ATAD1: variants seen among roughly 807,000 people sequenced by gnomAD.
ATAD1 encodes outer mitochondrial transmembrane helix translocase.
ATAD1 carries 18 observed loss-of-function variants against 42.7 expected under a neutral mutation model. That is an observed-to-expected ratio of 0.42 (90% CI 0.29 to 0.63). The LOEUF is 0.63. ATAD1 is among the 20% of genes least tolerant of loss of function. The pLI, the probability that ATAD1 is intolerant of heterozygous loss-of-function variation, is 0.19. For missense variants in ATAD1, 294 were observed against 440.4 expected (o/e 0.67, Z 2.98); for synonymous variants, 132 against 143.1 (o/e 0.92, Z 0.55).
chr10:87,775,000 A>G (rs1855225545), intron 6 of ATAD1, among the ~76,000 whole-genome samples: 1 of 152,182 alleles, frequency 6.6e-6, no homozygotes, highest in Admixed American at 6.5e-5. Context: ...TCCTACATAT[A>G]TCCAACTTGC....
At chr10:87,791,277 C>G (rs145947830) in intron 3 of ATAD1, among the ~76,000 whole-genome samples, 2 of 151,092 alleles carry the variant, frequency 1.3e-5, no homozygotes, top group South Asian at 4.2e-4. Context: ...ACAGGGCATA[C>G]GTATTTTCAA....
rs1239973236 is a variant in ATAD1, at chr10:87,790,430, C to G, written c.262G>C (p.Val88Leu). ...AHLVDPLNMH[V>L]TWSDIAGLDD... is the part of the protein sequence containing the mutation. ...AAACCTGCTATATCACTCCAAGTAA[C>G]CTGGCAAAAGTTAAGGTCAACATGA... is the stretch of plus-strand genomic sequence containing the variant. Residue 88 changes from valine to leucine, a missense_variant and splice_region_variant, in exon 4 of 10, where the codon GTT becomes CTT. Physicochemically the swap from Val to Leu is conservative, Grantham distance 32 (BLOSUM62 1). Around this residue, in one of 3 missense-constraint regions of ATAD1, gnomAD observed 121 missense variants for 187.3 expected, o/e 0.65. Transcript: ENST00000680024. 1 of 1,598,968 alleles carries G rather than the reference C, an allele frequency of 6.3e-7. No individual in the cohort carries two copies. The highest frequency in any genetic ancestry group is 8.5e-7 in the Non-Finnish European group (1 of 1,176,558).
chr10:87,838,940 G>T (rs1857979446), intron 1 of ATAD1, among the ~76,000 whole-genome samples: 1 of 152,156 alleles, frequency 6.6e-6, no homozygotes, highest in Non-Finnish European at 1.5e-5. Context: ...ACCTTGAGCA[G>T]ACAAATACAA....
chr10:87,795,134 A>T (rs942011416), intron 2 of ATAD1, among the ~76,000 whole-genome samples: 1 of 152,198 alleles, frequency 6.6e-6, no homozygotes, highest in Non-Finnish European at 1.5e-5. Flanking sequence ...TTATACAGCT[A>T]GGAAGTGACA....
intron 5 of ATAD1, among the ~76,000 whole-genome samples, chr10:87,783,141 G>A (rs571926520): frequency 3.3e-5 from 5 of 152,244 alleles, no homozygotes; most frequent in Non-Finnish European, 5.9e-5. Context: ...TGCTTTGGGA[G>A]GCCAAGGCAG....
At chr10:87,813,931 G>A (rs1211889436) in intron 2 of ATAD1, among the ~76,000 whole-genome samples, 2 of 151,910 alleles carry the variant, frequency 1.3e-5, no homozygotes, top group Admixed American at 6.6e-5. Flanking sequence ...ACCTTTAAAA[G>A]GAAATGAACA....
At chr10:87,760,746 T>C (rs1380689105) in intron 8 of ATAD1, among the ~76,000 whole-genome samples, 4 of 152,114 alleles carry the variant, frequency 2.6e-5, no homozygotes, top group African/African-American at 9.7e-5. Context: ...TAGGAGACTG[T>C]CAGTTCTGTC....
chr10:87,776,522 G>T, intron 5 of ATAD1, 95 bp from the exon 6 acceptor site: 2 of 914,460 alleles, frequency 2.2e-6, no homozygotes, highest in Non-Finnish European at 3.4e-6. Flanking sequence ...AGGCTGGGGT[G>T]CAATGGCGCA....
At chr10:87,773,260 C>G (rs538084097) in intron 6 of ATAD1, among the ~76,000 whole-genome samples, 23 of 152,292 alleles carry the variant, frequency 1.5e-4, no homozygotes, top group African/African-American at 5.1e-4. Flanking sequence ...TTAACTTCAT[C>G]AATGAATACC....
At chr10:87,764,832 G>GT (rs1161000891) in intron 8 of ATAD1, among the ~76,000 whole-genome samples, 1 of 152,150 alleles carries the variant, frequency 6.6e-6, no homozygotes, top group African/African-American at 2.4e-5. Context: ...GGTTGGGTGT[G>GT]TGGGGGGGAA....
intron 5 of ATAD1, among the ~76,000 whole-genome samples, chr10:87,782,729 G>A (rs1855626098): frequency 6.6e-6 from 1 of 152,196 alleles, no homozygotes; most frequent in Non-Finnish European, 1.5e-5. Flanking sequence ...AAGTAAATCA[G>A]CTAGGCGTTA....
intron 1 of ATAD1, 36 bp downstream of exon 1, chr10:87,818,131 C>G: frequency 3.0e-6 from 3 of 985,584 alleles, no homozygotes; most frequent in Non-Finnish European, 3.6e-6. Context: ...GATACGACAA[C>G]CATCCCATGA....
rs142616525 is a variant in ATAD1 at position 87,799,654 on chromosome 10, T to C, written c.163-6899A>G. On this transcript the variant is annotated intron_variant, in intron 2 of 9. Coordinates refer to ENST00000680024, the MANE Select transcript of ATAD1 (RefSeq NM_001321967.2). ...TGATGACCATTACAGTTTTCATAAA[T>C]AGTCTAGGTAAACAATTAAAATAAT... Among the ~76,000 whole-genome samples the C allele has an allele frequency of 3.7e-3, 556 of 152,272 alleles. 5 individuals are homozygous for C. Among genetic ancestry groups the C allele is most frequent in the African/African-American group, 0.013 (536 of 41,568 alleles).
rs73352866 is a variant in ATAD1, at chr10:87,789,899, A to G, written c.382+411T>C. ...TATTTAATTTCTAGTTCATCTGCAG[A>G]TAAATATTTCCTGAAAAAGAATCAT... On this transcript the variant is annotated intron_variant, in intron 4 of 9. Coordinates refer to ENST00000680024, the MANE Select transcript of ATAD1 (RefSeq NM_001321967.2). Among the ~76,000 whole-genome samples, 1,389 of 152,292 alleles carry G rather than the reference A, an allele frequency of 9.1e-3. 25 individuals carry two copies. Among genetic ancestry groups the G allele is most frequent in the African/African-American group, 0.031 (1,278 of 41,558 alleles).
chr10:87,798,045 A>C (rs1856483697), intron 2 of ATAD1, among the ~76,000 whole-genome samples: 2 of 152,112 alleles, frequency 1.3e-5, no homozygotes, highest in South Asian at 4.1e-4. Context: ...GCCTTACAAG[A>C]AAATCCCCAA....
chr10:87,817,281 A>G (rs1332845493), intron 1 of ATAD1, among the ~76,000 whole-genome samples: 1 of 152,252 alleles, frequency 6.6e-6, no homozygotes, highest in Non-Finnish European at 1.5e-5. Context: ...TAAAAGCTGC[A>G]TGCGCATACA....
At chr10:87,767,423 T>A (rs554091609) in intron 8 of ATAD1, among the ~76,000 whole-genome samples, 1 of 152,292 alleles carries the variant, frequency 6.6e-6, no homozygotes, top group African/African-American at 2.4e-5. Context: ...CAGTTCACAA[T>A]AGGGTTTGCA....
At chr10:87,773,397 T>A (rs1855143281) in intron 6 of ATAD1, among the ~76,000 whole-genome samples, 1 of 152,182 alleles carries the variant, frequency 6.6e-6, no homozygotes, top group South Asian at 2.1e-4. Context: ...TTGGTGACCA[T>A]ATTACAAGAA....
intron 8 of ATAD1, among the ~76,000 whole-genome samples, chr10:87,761,087 CA>C (rs1300930204): frequency 1.3e-5 from 2 of 151,442 alleles, no homozygotes; most frequent in South Asian, 2.1e-4. Context: ...AAAAAAACAA[CA>C]AAAAACCCTT....
Sources: gnomAD v4.1 joint callset for allele counts (sites outside exome capture counted in the v4.1 genomes callset) on GRCh38, gnomAD v4.1.1 for gene constraint, gnomAD v4.1.1 regional missense constraint, MANE v1.5 for transcripts, NCBI Gene and HGNC (gene_info 2026-07-23, HGNC 2026-07-21) for gene names.